FAM161A: variants seen among roughly 807,000 people sequenced by gnomAD.
FAM161A encodes FAM161 centrosomal protein A, also known as protein FAM161A.
In FAM161A, 57 loss-of-function variants were observed where a neutral mutation model predicts 70.9. That is an observed-to-expected ratio of 0.80 (90% CI 0.65 to 1.00). FAM161A has a LOEUF of 1.00. Ranked by LOEUF, FAM161A falls within the 50% of genes least tolerant of loss-of-function variation. The pLI, the probability that FAM161A is intolerant of heterozygous loss-of-function variation, is 0.00. For synonymous variants in FAM161A, 299 were observed against 295.7 expected, an observed-to-expected ratio of 1.01 and a Z score of -0.12; for missense variants, 880 against 836.0, an observed-to-expected ratio of 1.05 and a Z score of -0.65.
rs769276393 is a variant in FAM161A at position 61,839,505 on chromosome 2, C to G, written c.1499G>C (p.Arg500Thr). ...AGGCACAGGGTTTACACCTGCACAT[C>G]TTACTGGTGACTTACGCCTTGGAGA... Reference protein sequence around the residue: ...YLSPRRKSPVRCAGVNPVPCN... With the variant: ...YLSPRRKSPVTCAGVNPVPCN... The change falls in exon 3 of 7, where the codon AGA becomes ACA. Residue 500 changes from arginine (R) to threonine (T), a missense_variant. Arg to Thr is a moderately conservative substitution (Grantham distance 71). Coordinates refer to ENST00000404929, the MANE Select transcript of FAM161A (RefSeq NM_001201543.2). The G allele has an allele frequency of 4.3e-6, 7 of 1,614,190 alleles. No individual in the cohort carries two copies. In the South Asian group the frequency reaches 7.7e-5, roughly 18 times the overall value.
At chr2:61,803,305 T>A in the FAM161A span, 1 of 641,670 alleles carries the variant, frequency 1.6e-6, no homozygotes, top group South Asian at 1.5e-5. Flanking sequence ...TTCCTTGGAT[T>A]ATGTAAAGTA....
At chr2:61,822,045 A>G (rs1446650784), downstream of FAM161A, among the ~76,000 whole-genome samples, 1 of 152,006 alleles carries the variant, frequency 6.6e-6, no homozygotes, top group East Asian at 1.9e-4. Flanking sequence ...CTGGGATTAC[A>G]AGTGTGAGCC....
intron 4 of FAM161A, 151 bp from the exon 5 acceptor site, chr2:61,836,260 A>G: frequency 1.5e-6 from 1 of 663,368 alleles, no homozygotes; most frequent in Non-Finnish European, 2.7e-6. Context: ...TTATAAGCAC[A>G]GTTCACAGTT....
chr2:61,819,530 G>T, the FAM161A span, among the ~76,000 whole-genome samples: 3 of 152,134 alleles, frequency 2.0e-5, no homozygotes, highest in Non-Finnish European at 4.4e-5. Flanking sequence ...TGAAAATGTG[G>T]TGATGAGCAA....
At position 61,839,967 on chromosome 2, in the gene FAM161A, A is replaced by G; in HGVS notation, c.1037T>C (p.Leu346Pro). ...AAREKQLRDF[L>P]KYKKKTNRFK... Reference sequence around the variant, plus strand: ...TCGATTTGTTTTCTTTTTATACTTAAGAAAGTCTCTCAGCTGCTTTTCCCG... The same window carrying G: ...TCGATTTGTTTTCTTTTTATACTTAGGAAAGTCTCTCAGCTGCTTTTCCCG... The change falls in exon 3 of 7, where the codon CTT becomes CCT. Residue 346 changes from leucine (L) to proline (P), a missense_variant. By Grantham distance (98) the Leu-to-Pro change is moderately conservative. Coordinates refer to ENST00000404929, the MANE Select transcript of FAM161A (RefSeq NM_001201543.2). The G allele has an allele frequency of 6.2e-7, 1 of 1,614,202 alleles. No individual in the cohort carries two copies.
At chr2:61,847,660 T>C (rs570113697) in intron 1 of FAM161A, among the ~76,000 whole-genome samples, 15 of 152,044 alleles carry the variant, frequency 9.9e-5, no homozygotes, top group African/African-American at 3.6e-4. Context: ...TAGTCCCAGC[T>C]AGTTGGGGGA....
the FAM161A span, among the ~76,000 whole-genome samples, chr2:61,803,807 T>C: frequency 9.5e-4 from 145 of 152,118 alleles, no homozygotes; most frequent in Middle Eastern, 3.4e-3. Context: ...AGAAAGACTC[T>C]GTCTCGAAAA....
chr2:61,827,088 A>G lies in FAM161A; in HGVS notation c.2006+16T>C, dbSNP rs753547244. The G allele has an allele frequency of 6.2e-7, 1 of 1,612,592 alleles. No homozygotes were observed. Among genetic ancestry groups the G allele is most frequent in the South Asian group, 1.1e-5 (1 of 91,028 alleles). On this transcript the variant is annotated intron_variant, in intron 6 of 6. Coordinates refer to ENST00000404929, the MANE Select transcript of FAM161A (RefSeq NM_001201543.2). ...TTTTTCAAAGGTAAGCCATTCAGAC[A>G]TCTTATATATGTTACCTTTCTTTGT...
intron 1 of FAM161A, among the ~76,000 whole-genome samples, chr2:61,851,061 A>T (rs1173191217): frequency 6.6e-6 from 1 of 151,732 alleles, no homozygotes; most frequent in Non-Finnish European, 1.5e-5. Context: ...TTTAGTAGAG[A>T]TGGGGTTTCT....
At chr2:61,840,634 A>G in intron 2 of FAM161A, 53 bp from the exon 3 acceptor site, 3 of 1,338,010 alleles carry the variant, frequency 2.2e-6, no homozygotes, top group Non-Finnish European at 3.2e-6. Context: ...GACCAAATAT[A>G]AAAATTAAGA....
chr2:61,839,030 C>A (rs1435660122), intron 3 of FAM161A, among the ~76,000 whole-genome samples: 14 of 151,340 alleles, frequency 9.3e-5, no homozygotes, highest in Non-Finnish European at 1.5e-4. Flanking sequence ...TTACAGGCAC[C>A]CGCCACCACG....
chr2:61,853,533 A>G (rs748752853), intron 1 of FAM161A, among the ~76,000 whole-genome samples: 1 of 152,204 alleles, frequency 6.6e-6, no homozygotes, highest in Non-Finnish European at 1.5e-5. Context: ...ATATAGCCAG[A>G]TATATCTCTA....
At chr2:61,847,892 A>G (rs1478856805) in intron 1 of FAM161A, among the ~76,000 whole-genome samples, 1 of 152,200 alleles carries the variant, frequency 6.6e-6, no homozygotes, top group Non-Finnish European at 1.5e-5. Flanking sequence ...TACTGAATGA[A>G]TGAATGAATG....
the FAM161A span, chr2:61,803,273 G>T: frequency 1.3e-5 from 8 of 626,110 alleles, no homozygotes; most frequent in East Asian, 2.6e-4. Flanking sequence ...CATGCTGGTG[G>T]TGGCTTTGGC....
chr2:61,840,269 C>G lies in FAM161A; in HGVS notation c.735G>C (p.Met245Ile). ...TITVPEPFQM[M>I]IREQKKKEES... ...CTTCTTTTTTCTTCTGTTCTCTTATCATCATTTGAAAAGGCTCCGGTACTG... is the reference window on the plus strand; with the variant it reads ...CTTCTTTTTTCTTCTGTTCTCTTATGATCATTTGAAAAGGCTCCGGTACTG... Residue 245 changes from methionine (M) to isoleucine (I), a missense_variant, in exon 3 of 7, where the codon ATG becomes ATC. Transcript: ENST00000404929. 3.1e-6 allele frequency: 5 copies of G among 1,614,002 alleles called. No individual in the cohort carries two copies. Among genetic ancestry groups the G allele is most frequent in the Non-Finnish European group, 4.2e-6 (5 of 1,180,018 alleles).
At chr2:61,800,679 G>T in the FAM161A span, among the ~76,000 whole-genome samples, 1 of 140,058 alleles carries the variant, frequency 7.1e-6, no homozygotes, top group African/African-American at 2.8e-5. Context: ...TAAGTGGGTA[G>T]ACTGTGCCCG....
At position 61,840,340 on chromosome 2, in the gene FAM161A, C is replaced by A. The variant is rs1672971498; in HGVS notation, c.664G>T (p.Ala222Ser). The stretch of plus-strand genomic sequence containing the variant: ...TTTCGTTTCTTCCTTCTTTTTTCAG[C>A]TGCATGGAAGCCAGTATCTTTACAG... The part of the protein sequence containing the change: ...IRCKDTGFHA[A>S]EKRRKKRKEW... Residue 222 changes from alanine (A) to serine (S), a missense_variant, in exon 3 of 7, where the codon GCT (alanine) becomes TCT (serine). Coordinates refer to ENST00000404929, the MANE Select transcript of FAM161A (RefSeq NM_001201543.2). 3.1e-6 allele frequency: 5 copies of A among 1,613,964 alleles called. No individual in the cohort carries two copies. The highest frequency in any genetic ancestry group is 3.4e-6 in the Non-Finnish European group (4 of 1,179,998).
At chr2:61,849,928 C>T (rs1171161194) in intron 1 of FAM161A, among the ~76,000 whole-genome samples, 3 of 133,764 alleles carry the variant, frequency 2.2e-5, no homozygotes, top group Non-Finnish European at 4.7e-5. Flanking sequence ...TACACACGAA[C>T]ATAAACATGG....
At chr2:61,801,363 A>G in the FAM161A span, among the ~76,000 whole-genome samples, 3 of 151,398 alleles carry the variant, frequency 2.0e-5, no homozygotes, top group Non-Finnish European at 4.4e-5. Context: ...TGGGTGTGGT[A>G]GCAGGCGCCT....
Sources: gnomAD v4.1 joint callset for allele counts (sites outside exome capture counted in the v4.1 genomes callset) on GRCh38, gnomAD v4.1.1 for gene constraint, MANE v1.5 for transcripts, NCBI Gene and HGNC (gene_info 2026-07-23, HGNC 2026-07-21) for gene names.